GPCPD1: variants seen among roughly 807,000 people sequenced by gnomAD.
The protein encoded by GPCPD1 is glycerophosphocholine phosphodiesterase 1, also known as glycerophosphocholine phosphodiesterase GPCPD1.
A neutral mutation model predicts 89.2 loss-of-function variants in GPCPD1; 29 were observed. The observed-to-expected ratio is 0.33, with a 90% confidence interval of 0.24 to 0.44. The LOEUF (loss-of-function observed/expected upper bound fraction) is 0.44. Among genes scored for constraint, GPCPD1 ranks in the 20% least tolerant of loss-of-function variants. GPCPD1 has a pLI of 1.00. For synonymous variants in GPCPD1, 258 were observed against 266.3 expected (o/e 0.97, Z 0.30); for missense variants, 594 against 808.9 (o/e 0.73, Z 3.22).
At chr20:5,608,896 A>T (rs1474867272) in intron 1 of GPCPD1, among the ~76,000 whole-genome samples, 1 of 152,228 alleles carries the variant, frequency 6.6e-6, no homozygotes, top group African/African-American at 2.4e-5. Context: ...ACCCTTTTTA[A>T]AAGACTCAAG....
intron 17 of GPCPD1, among the ~76,000 whole-genome samples, chr20:5,559,691 G>C (rs982505416): frequency 3.3e-5 from 5 of 152,154 alleles, no homozygotes; most frequent in Non-Finnish European, 5.9e-5. Context: ...TTACAATATG[G>C]TAAGGAGTAT....
At position 5,544,742 on chromosome 20, in the gene GPCPD1, G is replaced by A. The variant is rs562985618; in HGVS notation, c.*2919C>T. 4.6e-5 allele frequency: 7 copies of A among 152,322 alleles called. No homozygotes were observed. Among genetic ancestry groups the A allele is most frequent in the African/African-American group, 1.4e-4 (6 of 41,552 alleles). The allele number at this position is 152,322 out of a possible 1,614,324, so 9.4% of individuals were successfully genotyped here. A position where few individuals can be genotyped will look rare whatever the true frequency, so the allele number is the denominator to read the frequency against. ...CAACATTAAATAGTAAGACTGAGAG[G>A]CTGTCTGCATGTTTCCATCATCATT... On this transcript the variant is annotated 3_prime_UTR_variant, in exon 20 of 20. Transcript: ENST00000379019.
intron 19 of GPCPD1, among the ~76,000 whole-genome samples, chr20:5,552,843 T>C (rs182979906): frequency 1.1e-3 from 161 of 152,350 alleles, no homozygotes; most frequent in African/African-American, 3.6e-3. Context: ...TATAACTTTA[T>C]GGGAAGAATA....
At chr20:5,586,539 A>C (rs1461307610) in intron 4 of GPCPD1, among the ~76,000 whole-genome samples, 1 of 152,140 alleles carries the variant, frequency 6.6e-6, no homozygotes, top group African/African-American at 2.4e-5. Context: ...AAATCTGCCT[A>C]CAATACTCAA....
At chr20:5,583,097 G>A (rs1008739878) in intron 6 of GPCPD1, among the ~76,000 whole-genome samples, 48 of 151,822 alleles carry the variant, frequency 3.2e-4, no homozygotes, top group Admixed American at 3.2e-3. Flanking sequence ...AGCTGGGCAT[G>A]CCTGTAATCC....
intron 1 of GPCPD1, among the ~76,000 whole-genome samples, chr20:5,608,051 T>G (rs1980716067): frequency 6.6e-6 from 1 of 152,176 alleles, no homozygotes; most frequent in African/African-American, 2.4e-5. Flanking sequence ...AAATAACTAT[T>G]TTAATCAACT....
intron 5 of GPCPD1, chr20:5,585,340 C>T (rs968574127): frequency 6.6e-6 from 1 of 151,928 alleles, no homozygotes; most frequent in Admixed American, 6.6e-5. Context: ...GTCCTTACTC[C>T]AGGATAAAGC....
At chr20:5,601,903 G>A (rs970472908) in intron 2 of GPCPD1, among the ~76,000 whole-genome samples, 20 of 111,086 alleles carry the variant, frequency 1.8e-4, no homozygotes, top group Non-Finnish European at 4.0e-4. Flanking sequence ...TGCTGAAAAT[G>A]AGGAAATTTT....
chr20:5,574,427 A>G (rs1978285177), intron 10 of GPCPD1, among the ~76,000 whole-genome samples: 1 of 152,160 alleles, frequency 6.6e-6, no homozygotes, highest in Admixed American at 6.5e-5. Context: ...AGAAAGGGGG[A>G]AAATGTATTG....
chr20:5,572,304 TATC>T (rs979150930), intron 11 of GPCPD1, among the ~76,000 whole-genome samples: 14 of 152,184 alleles, frequency 9.2e-5, no homozygotes, highest in African/African-American at 2.7e-4. Flanking sequence ...TATTAATAAA[TATC>T]ATATTTTCAA....
intron 19 of GPCPD1, among the ~76,000 whole-genome samples, chr20:5,549,933 C>A (rs1985283411): frequency 6.6e-6 from 1 of 151,978 alleles, no homozygotes; most frequent in Non-Finnish European, 1.5e-5. Context: ...TGGCTCACAC[C>A]AGTAATCCCA....
chr20:5,565,132 G>C (rs1456809740), intron 14 of GPCPD1, 54 bp from the exon 15 acceptor site: 1 of 898,238 alleles, frequency 1.1e-6, no homozygotes, highest in Non-Finnish European at 1.9e-6. Context: ...ATATCACTAA[G>C]AGCTTTCTTA....
chr20:5,596,854 ACT>A (rs1181367315), intron 3 of GPCPD1, among the ~76,000 whole-genome samples: 1 of 152,216 alleles, frequency 6.6e-6, no homozygotes, highest in Non-Finnish European at 1.5e-5. Context: ...CCTGTGAAAC[ACT>A]GTTTATCTGC....
Position 5,570,244 on chromosome 20 carries a change from C to T in GPCPD1, c.1057-5G>A. ...AAATTCTACAAAGGCTGCACCCTGACAGAAGGAAGCAAGTATTTGAAAAAC... is the reference window on the plus strand; with the variant it reads ...AAATTCTACAAAGGCTGCACCCTGATAGAAGGAAGCAAGTATTTGAAAAAC... On this transcript the variant is annotated splice_polypyrimidine_tract_variant and splice_region_variant and intron_variant, in intron 11 of 19. Coordinates refer to ENST00000379019, the MANE Select transcript of GPCPD1 (RefSeq NM_019593.5). The T allele has an allele frequency of 6.8e-7, 1 of 1,462,334 alleles. No individual in the cohort carries two copies. The highest frequency in any genetic ancestry group is 9.6e-7 in the Non-Finnish European group (1 of 1,046,876). The allele number at this position is 1,462,334 out of a possible 1,614,324, so 90.6% of individuals were successfully genotyped here. A position where few individuals can be genotyped will look rare whatever the true frequency, so the allele number is the denominator to read the frequency against.
intron 14 of GPCPD1, among the ~76,000 whole-genome samples, chr20:5,565,999 T>C (rs986958344): frequency 6.6e-6 from 1 of 152,166 alleles, no homozygotes; most frequent in African/African-American, 2.4e-5. Context: ...AAAGGTAAAA[T>C]TCATTTTATT....
At chr20:5,580,712 C>T (rs768609734) in intron 6 of GPCPD1, among the ~76,000 whole-genome samples, 2 of 138,534 alleles carry the variant, frequency 1.4e-5, no homozygotes, top group East Asian at 4.2e-4. Context: ...GGCGGCAGAG[C>T]GAGACTCCAT....
chr20:5,605,301 G>A (rs1254938689), intron 1 of GPCPD1, among the ~76,000 whole-genome samples: 4 of 152,064 alleles, frequency 2.6e-5, no homozygotes, highest in Non-Finnish European at 5.9e-5. Flanking sequence ...TTCCTGACCA[G>A]GGTAATACTG....
intron 15 of GPCPD1, among the ~76,000 whole-genome samples, chr20:5,562,987 T>C (rs1207493778): frequency 8.5e-6 from 1 of 117,930 alleles, no homozygotes; most frequent in Non-Finnish European, 1.7e-5. Flanking sequence ...TTAAAATTTC[T>C]TTTTTTTTTT....
intron 3 of GPCPD1, among the ~76,000 whole-genome samples, chr20:5,594,452 GCTAA>G (rs375768466): frequency 2.6e-5 from 4 of 152,252 alleles, no homozygotes; most frequent in South Asian, 2.1e-4. Context: ...ACCACGCCTG[GCTAA>G]CTTTGTTTTT....
Sources: allele counts gnomAD v4.1 joint callset (sites outside exome capture counted in the v4.1 genomes callset), GRCh38; gene constraint gnomAD v4.1.1; transcripts MANE v1.5; gene names NCBI Gene and HGNC (gene_info 2026-07-23, HGNC 2026-07-21).